The following PLD4 variants were observed in gnomAD, a reference collection of about 807,000 sequenced individuals.
The protein encoded by PLD4 is phospholipase D family member 4, also known as 5'-3' exonuclease PLD4.
A neutral mutation model predicts 52.3 loss-of-function variants in PLD4; 54 were observed. The observed-to-expected ratio is 1.03, with a 90% CI of 0.83 to 1.30. The LOEUF (loss-of-function observed/expected upper bound fraction) is 1.30. Ranked by LOEUF, PLD4 falls within the 50% of genes most tolerant of loss-of-function variation. The probability of loss-of-function intolerance (pLI) is 0.00; values close to 1 mark genes in which losing one functional copy is unlikely to be tolerated. For missense variants in PLD4, 731 were observed against 671.1 expected, an observed-to-expected ratio of 1.09 and a Z score of -0.99; for synonymous variants, 264 against 286.5, an observed-to-expected ratio of 0.92 and a Z score of 0.79.
downstream of PLD4, chr14:104,937,022 G>T (rs568572215): frequency 6.6e-6 from 1 of 152,308 alleles, no homozygotes; most frequent in Non-Finnish European, 1.5e-5. Flanking sequence ...AGGGAGGGAG[G>T]GTTGTACGTC....
At chr14:104,930,966 C>G in intron 7 of PLD4, 24 bp downstream of exon 7, 1 of 1,607,354 alleles carries the variant, frequency 6.2e-7, no homozygotes, top group Non-Finnish European at 8.5e-7. Context: ...AGAAGGAGCC[C>G]ATCAGAGGCC....
At chr14:104,936,657 T>C (rs10083374), downstream of PLD4, 85,606 of 152,322 alleles carry the variant, frequency 0.56, 24,469 homozygotes, top group Middle Eastern at 0.7. Flanking sequence ...TGCTCCCATA[T>C]CCACAGCCAT....
In PLD4 at chr14:104,933,119, GCT is replaced by G. The variant is rs1897715865; in HGVS notation, c.*160_*161del. The G allele has an allele frequency of 1.8e-5, 15 of 830,438 alleles. No homozygotes were observed. The highest frequency in any genetic ancestry group is 2.6e-5 in the Non-Finnish European group (15 of 567,880). 51.4% of individuals were successfully genotyped at this position (830,438 alleles called of 1,614,324 possible). A position where few individuals can be genotyped will look rare whatever the true frequency, so the allele number is the denominator to read the frequency against. On this transcript the variant is annotated 3_prime_UTR_variant, in exon 11 of 11. Transcript: ENST00000392593. ...CCCGGGCGTCGCAAACCGCCCGCCT[GCT>G]CTCTGATTTCCGAGTCCAGCCCCCC...
Position 104,932,839 on chromosome 14 carries a change from G to T in PLD4, c.1396G>T (p.Ala466Ser). 6.2e-7 allele frequency: 1 copy of T among 1,604,890 alleles called. No homozygotes were observed. Among genetic ancestry groups the T allele is most frequent in the Non-Finnish European group, 8.5e-7 (1 of 1,176,278 alleles). ...CTTGGTGGTCACCCAGAGCCCTGGCGCGCAGCCCGCGGGGGCCACGGTGCA... is the reference window on the plus strand; with the variant it reads ...CTTGGTGGTCACCCAGAGCCCTGGCTCGCAGCCCGCGGGGGCCACGGTGCA... ...VGLVVTQSPG[A>S]QPAGATVQEQ... The change falls in exon 11 of 11, where the codon GCG becomes TCG. Residue 466 changes from alanine (A) to serine (S), a missense_variant. Physicochemically the swap from Ala to Ser is moderately conservative, Grantham distance 99 (BLOSUM62 1). Coordinates refer to ENST00000392593, the MANE Select transcript of PLD4 (RefSeq NM_138790.5). This position sits in a 1 kb window ranked among gnomAD's most constrained non-coding sequence, Gnocchi z 6.5.
chr14:104,930,515 TG>T (rs1194532077), intron 6 of PLD4: 9 of 597,106 alleles, frequency 1.5e-5, no homozygotes, highest in Non-Finnish European at 5.9e-6. Flanking sequence ...GTAATAAACG[TG>T]TATTGCTTTG....
chr14:104,925,147 C>T (rs1214272379), intron 1 of PLD4, among the ~76,000 whole-genome samples, 157 bp downstream of exon 1: 3 of 152,254 alleles, frequency 2.0e-5, no homozygotes, highest in African/African-American at 2.4e-5. Context: ...GTCCCCAGTC[C>T]GTGCAGCTGG....
At position 104,927,133 on chromosome 14, in the gene PLD4, C is replaced by G. The variant is rs1164184340; in HGVS notation, c.1-8C>G. ...GAGCTGCTGGTGATGCCAGGCTGCC[C>G]TGTGCAGATGCTGAAGCCTCTTTGG... On this transcript the variant is annotated splice_region_variant and splice_polypyrimidine_tract_variant and intron_variant, in intron 1 of 10. Coordinates refer to ENST00000392593, the MANE Select transcript of PLD4 (RefSeq NM_138790.5). 6.5e-7 allele frequency: 1 copy of G among 1,548,738 alleles called. No homozygotes were observed.
rs768571613 is a variant in PLD4 at position 104,932,403 on chromosome 14, C to A, written c.1321+48C>A. On this transcript the variant is annotated intron_variant, in intron 10 of 10. Transcript: ENST00000392593. The surrounding 1 kb of genome is among the most constrained non-coding windows in gnomAD (Gnocchi z 6.5). Reference sequence around the variant, plus strand: ...GGGCGGGCCCCAGGGTGGCCAGGCACGGGCGAGGGAGGCACTGGCTTTGTG... The same window carrying A: ...GGGCGGGCCCCAGGGTGGCCAGGCAAGGGCGAGGGAGGCACTGGCTTTGTG... 6.3e-7 allele frequency: 1 copy of A among 1,577,974 alleles called. No individual in the cohort carries two copies. The highest frequency in any genetic ancestry group is 8.7e-7 in the Non-Finnish European group (1 of 1,150,324).
At chr14:104,931,633 A>T in intron 7 of PLD4, 115 bp from the exon 8 acceptor site, 3 of 1,376,818 alleles carry the variant, frequency 2.2e-6, no homozygotes, top group Non-Finnish European at 2.9e-6. Flanking sequence ...ATTTCCAGGC[A>T]CCTGGGCCCC....
chr14:104,929,111 TG>T, intron 4 of PLD4, 179 bp downstream of exon 4: 1 of 1,177,200 alleles, frequency 8.5e-7, no homozygotes, highest in Non-Finnish European at 1.2e-6. Flanking sequence ...GTCAAGGAGC[TG>T]GGCCTCTGGG....
chr14:104,930,323 A>G (rs549817019), intron 6 of PLD4, among the ~76,000 whole-genome samples: 1 of 152,368 alleles, frequency 6.6e-6, no homozygotes, highest in South Asian at 2.1e-4. Context: ...TGACATGGAA[A>G]GATGTTCAAG....
chr14:104,932,177 G>A lies in PLD4; in HGVS notation c.1224G>A (p.Val408=), dbSNP rs1044680437. The change falls in exon 9 of 11, where the codon GTG becomes GTA. Residue 408 remains valine, a splice_region_variant and synonymous_variant. Coordinates refer to ENST00000392593, the MANE Select transcript of PLD4 (RefSeq NM_138790.5). This position sits in a 1 kb window ranked among gnomAD's most constrained non-coding sequence, Gnocchi z 6.5. ...CCGCGGCCAACGTCTCTGTGGACGT[G>A]GTGAGGGCGTGCTCCCGGCCGGGCG... is the stretch of plus-strand genomic sequence containing the variant. ...SNPAANVSVD[V]KVFIVPVGNH... 1 of 1,611,576 alleles carries A rather than the reference G, an allele frequency of 6.2e-7. No individual in the cohort carries two copies. The highest frequency in any genetic ancestry group is 2.2e-5 in the East Asian group (1 of 44,856).
At position 104,932,504 on chromosome 14, in the gene PLD4, G is replaced by A; in HGVS notation, c.1321+149G>A. On this transcript the variant is annotated intron_variant, in intron 10 of 10. Transcript: ENST00000392593. This position sits in a 1 kb window ranked among gnomAD's most constrained non-coding sequence, Gnocchi z 6.5. ...GTCTCCATGGAGTTCCGGGGACCAGGCCACCCGCCTGTCACCTGGCCCCAC... is the reference window on the plus strand; with the variant it reads ...GTCTCCATGGAGTTCCGGGGACCAGACCACCCGCCTGTCACCTGGCCCCAC... 1 of 954,090 alleles carries A rather than the reference G, an allele frequency of 1.0e-6. No individual in the cohort carries two copies. The highest frequency in any genetic ancestry group is 1.7e-5 in the South Asian group (1 of 59,712). The allele number at this position is 954,090 out of a possible 1,614,324, so 59.1% of individuals were successfully genotyped here. A position where few individuals can be genotyped will look rare whatever the true frequency, so the allele number is the denominator to read the frequency against.
At chr14:104,928,332 C>T (rs2841281) in intron 3 of PLD4, among the ~76,000 whole-genome samples, 62,186 of 152,038 alleles carry the variant, frequency 0.41, 13,653 homozygotes, top group East Asian at 0.58. Flanking sequence ...CAGGCCAGCT[C>T]TGGCCACCAC....
chr14:104,930,328 T>C (rs1414502104), intron 6 of PLD4, among the ~76,000 whole-genome samples: 1 of 152,170 alleles, frequency 6.6e-6, no homozygotes, highest in African/African-American at 2.4e-5. Context: ...TGGAAAGATG[T>C]TCAAGTCACA....
intron 6 of PLD4, chr14:104,930,531 T>G: frequency 4.9e-6 from 3 of 606,740 alleles, no homozygotes. Context: ...GCTTTGATCA[T>G]TGGAATACAA....
rs1897552894 is a variant in PLD4 at position 104,929,030 on chromosome 14, T to C, written c.468+98T>C. 2.8e-6 allele frequency: 4 copies of C among 1,422,824 alleles called. No homozygotes were observed. The African/African-American group carries it at 5.7e-5, about 20-fold the overall frequency. 88.1% of individuals were successfully genotyped at this position (1,422,824 alleles called of 1,614,324 possible). ...CGTCTCGGGCACCAGGCCCGGGGGC[T>C]CAGCTTGGTGGTAGGGTCTAGCATG... On this transcript the variant is annotated intron_variant, in intron 4 of 10. Coordinates refer to ENST00000392593, the MANE Select transcript of PLD4 (RefSeq NM_138790.5).
At chr14:104,927,902 T>G in intron 3 of PLD4, 36 bp downstream of exon 3, 1 of 1,506,646 alleles carries the variant, frequency 6.6e-7, no homozygotes, top group South Asian at 1.2e-5. Context: ...GGGGCAGGTC[T>G]CAGTTTGGGG....
At chr14:104,926,831 G>A (rs962800601) in intron 1 of PLD4, among the ~76,000 whole-genome samples, 5 of 152,232 alleles carry the variant, frequency 3.3e-5, no homozygotes, top group African/African-American at 4.8e-5. Context: ...AGGCACAGAC[G>A]CCCGCCCGCC....
Sources: gnomAD v4.1 joint callset for allele counts (sites outside exome capture counted in the v4.1 genomes callset) on GRCh38, gnomAD v4.1.1 for gene constraint, Gnocchi (gnomAD v3.1) non-coding constraint, MANE v1.5 for transcripts, NCBI Gene and HGNC (gene_info 2026-07-23, HGNC 2026-07-21) for gene names.